Variants in LDLRAD4 observed in about 807,000 individuals in gnomAD.
LDLRAD4 encodes low-density lipoprotein receptor class A domain-containing protein 4.
In LDLRAD4, 5 loss-of-function variants were observed where a neutral mutation model predicts 17.0. The ratio of observed to expected loss-of-function variants is 0.29; its 90% CI spans 0.15 to 0.62. LDLRAD4 has a LOEUF of 0.62. Ranked by LOEUF, LDLRAD4 falls within the 20% of genes least tolerant of loss-of-function variation. The pLI is 0.84. For missense variants in LDLRAD4, 340 were observed against 424.7 expected (o/e 0.80, Z 1.75); for synonymous variants, 168 against 171.8 (o/e 0.98, Z 0.17).
rs2092728298 is a variant in LDLRAD4 at position 13,470,147 on chromosome 18, G to A, written c.181+31763G>A. Among the ~76,000 whole-genome samples, 2 of 152,114 alleles carry A rather than the reference G, an allele frequency of 1.3e-5. 1 individual carries two copies. Among genetic ancestry groups the A allele is most frequent in the South Asian group, 4.2e-4 (2 of 4,816 alleles). On this transcript the variant is annotated intron_variant, in intron 3 of 5. Coordinates refer to ENST00000359446, the Ensembl canonical transcript of LDLRAD4. ...CATAGCGATAGACCGTGTGGAAATG[G>A]TATTCAGTAAGCCCTTGACATCCAA...
At chr18:13,328,646 G>C (rs148658653) in intron 1 of LDLRAD4, among the ~76,000 whole-genome samples, 1 of 152,070 alleles carries the variant, frequency 6.6e-6, no homozygotes, top group Non-Finnish European at 1.5e-5. Context: ...TAAGGCTCTG[G>C]GCTATCTTAT....
At chr18:13,480,030 T>A (rs914365918) in intron 3 of LDLRAD4, among the ~76,000 whole-genome samples, 8 of 152,178 alleles carry the variant, frequency 5.3e-5, no homozygotes, top group African/African-American at 1.9e-4. Context: ...CAGCATAATC[T>A]TACCATATGA....
chr18:13,647,844 T>C (rs1013229362), exon 6 of LDLRAD4: 5 of 152,214 alleles, frequency 3.3e-5, no homozygotes, highest in African/African-American at 1.2e-4. Flanking sequence ...CCAGTGACAG[T>C]TGGAAGGCCT....
At chr18:13,586,331 C>G (rs1196344326) in intron 3 of LDLRAD4, among the ~76,000 whole-genome samples, 2 of 135,800 alleles carry the variant, frequency 1.5e-5, no homozygotes, top group African/African-American at 2.8e-5. Context: ...TGCTTGAACC[C>G]GGGAGGCGGA....
intron 2 of LDLRAD4, among the ~76,000 whole-genome samples, chr18:13,437,109 T>C (rs1414343151): frequency 6.6e-6 from 1 of 152,254 alleles, no homozygotes; most frequent in Non-Finnish European, 1.5e-5. Flanking sequence ...GGTGTGCCGA[T>C]GCCCAGCCTT....
At chr18:13,256,124 G>A (rs1189432661) in intron 1 of LDLRAD4, among the ~76,000 whole-genome samples, 1 of 152,150 alleles carries the variant, frequency 6.6e-6, no homozygotes, top group Non-Finnish European at 1.5e-5. Context: ...TGATTCCCTG[G>A]GAGAACAGGT....
intron 2 of LDLRAD4, among the ~76,000 whole-genome samples, chr18:13,422,330 G>A (rs1048800717): frequency 7.9e-5 from 12 of 152,176 alleles, no homozygotes; most frequent in African/African-American, 2.7e-4. Flanking sequence ...GAAATACTCT[G>A]TCTAGCCTAA....
chr18:13,468,906 C>T (rs1454290260), intron 3 of LDLRAD4, among the ~76,000 whole-genome samples: 4 of 150,928 alleles, frequency 2.7e-5, no homozygotes, highest in Admixed American at 6.6e-5. Context: ...TGTTAAATGA[C>T]GAGTTAATGG....
At chr18:13,348,766 C>T (rs2082857606) in intron 1 of LDLRAD4, among the ~76,000 whole-genome samples, 1 of 152,220 alleles carries the variant, frequency 6.6e-6, no homozygotes, top group Non-Finnish European at 1.5e-5. Context: ...CAAGCCTCAG[C>T]AATGGCGGGC....
chr18:13,348,465 G>C (rs2082834236), intron 1 of LDLRAD4, among the ~76,000 whole-genome samples: 1 of 152,186 alleles, frequency 6.6e-6, no homozygotes, highest in African/African-American at 2.4e-5. Context: ...GGCTGTGTGA[G>C]GTGTCAGTCT....
At chr18:13,626,491 G>A (rs1383837611) in intron 4 of LDLRAD4, among the ~76,000 whole-genome samples, 3 of 152,304 alleles carry the variant, frequency 2.0e-5, no homozygotes, top group Non-Finnish European at 4.4e-5. Flanking sequence ...CTGGCCATCA[G>A]CGGATGGAGG....
rs1240647572 is a variant in LDLRAD4 at position 13,645,073 on chromosome 18, T to A, written c.391-54T>A. On this transcript the variant is annotated intron_variant, in intron 5 of 5. Coordinates refer to ENST00000359446, the Ensembl canonical transcript of LDLRAD4. The surrounding 1 kb of genome is among the most constrained non-coding windows in gnomAD (Gnocchi z 5.7). ...TAACTTTCCTTGATTCTGACACATT[T>A]ATGGTCATCATTGCGCTCAAACTGT... 7 of 1,441,616 alleles carry A rather than the reference T, an allele frequency of 4.9e-6. No homozygotes were observed. Among genetic ancestry groups the A allele is most frequent in the Non-Finnish European group, 6.6e-6 (7 of 1,055,708 alleles). 89.3% of individuals were successfully genotyped at this position (1,441,616 alleles called of 1,614,324 possible).
chr18:13,462,305 G>A (rs911994672), intron 3 of LDLRAD4: 13 of 152,496 alleles, frequency 8.5e-5, no homozygotes, highest in African/African-American at 2.2e-4. Context: ...GAGTAAGGCC[G>A]GGAAGCAAGG....
intron 3 of LDLRAD4, among the ~76,000 whole-genome samples, chr18:13,591,753 T>C (rs2095032397): frequency 6.6e-6 from 1 of 152,210 alleles, no homozygotes; most frequent in Non-Finnish European, 1.5e-5. Context: ...TCCAGGATTG[T>C]GAGGCATGGA....
intron 3 of LDLRAD4, among the ~76,000 whole-genome samples, chr18:13,473,637 A>G (rs990884287): frequency 6.8e-5 from 1 of 14,658 alleles, no homozygotes; most frequent in African/African-American, 2.7e-4. Context: ...ATCCCATCTC[A>G]TATATATATA....
chr18:13,310,636 T>G (rs548836943), intron 1 of LDLRAD4, among the ~76,000 whole-genome samples: 1 of 152,050 alleles, frequency 6.6e-6, no homozygotes, highest in East Asian at 1.9e-4. Flanking sequence ...TCTTCCTCCC[T>G]CAGTCTTGAC....
intron 2 of LDLRAD4, among the ~76,000 whole-genome samples, chr18:13,397,228 C>T (rs567032393): frequency 1.3e-5 from 2 of 152,302 alleles, no homozygotes; most frequent in Non-Finnish European, 2.9e-5. Context: ...ACTGCAAGCT[C>T]CGCCTGCCTG....
chr18:13,276,349 A>C (rs1004232303), upstream of LDLRAD4, among the ~76,000 whole-genome samples: 1 of 152,196 alleles, frequency 6.6e-6, no homozygotes, highest in Non-Finnish European at 1.5e-5. Context: ...TTGCTGTGTA[A>C]CAAATTATTA....
At position 13,586,406 on chromosome 18, in the gene LDLRAD4, C is replaced by CAA. The variant is rs58036819; in HGVS notation, c.182-34697_182-34696dup. 4.0e-4 allele frequency among the ~76,000 whole-genome samples: 14 copies of CAA among 35,118 alleles called. 2 individuals are homozygous for CAA. The highest frequency in any genetic ancestry group is 3.1e-3 in the South Asian group (2 of 642). 23.0% of individuals were successfully genotyped at this position (35,118 alleles called of 152,430 possible). A position where few individuals can be genotyped will look rare whatever the true frequency, so the allele number is the denominator to read the frequency against. On this transcript the variant is annotated intron_variant, in intron 3 of 5. Coordinates refer to ENST00000359446, the Ensembl canonical transcript of LDLRAD4. ...TGGGTGACAGAGCAAGACTCTGTCT[C>CAA]AAAAAAAAAAAAAAAGAATAGAAAC... is the stretch of plus-strand genomic sequence containing the variant.
Sources: gnomAD v4.1 joint callset for allele counts (sites outside exome capture counted in the v4.1 genomes callset) on GRCh38, gnomAD v4.1.1 for gene constraint, Gnocchi (gnomAD v3.1) non-coding constraint, MANE v1.5 for transcripts, NCBI Gene and HGNC (gene_info 2026-07-23, HGNC 2026-07-21) for gene names.